The following PPFIA2 variants were observed in gnomAD, a reference collection of about 807,000 sequenced individuals.
PPFIA2 encodes the protein liprin-alpha-2.
In PPFIA2, 46 loss-of-function variants were observed where a neutral mutation model predicts 175.5. That is an observed-to-expected ratio of 0.26 (90% CI 0.21 to 0.34). The LOEUF (loss-of-function observed/expected upper bound fraction) is 0.34. Among genes scored for constraint, PPFIA2 ranks in the 10% least tolerant of loss-of-function variants. The pLI is 1.00. For missense variants in PPFIA2, 1,179 were observed against 1,506.1 expected, an observed-to-expected ratio of 0.78 and a Z score of 3.60; for synonymous variants, 568 against 511.4, an observed-to-expected ratio of 1.11 and a Z score of -1.49.
chr12:81,392,304 C>T (rs1476699945), intron 8 of PPFIA2, among the ~76,000 whole-genome samples: 2 of 151,766 alleles, frequency 1.3e-5, no homozygotes, highest in Non-Finnish European at 2.9e-5. Context: ...GTAGGAGAAG[C>T]AGATTTGTGG....
intron 3 of PPFIA2, among the ~76,000 whole-genome samples, chr12:81,726,797 A>C (rs1045478336): frequency 6.6e-6 from 1 of 151,278 alleles, no homozygotes; most frequent in Non-Finnish European, 1.5e-5. Flanking sequence ...AGCTTTCCAC[A>C]CCATTGCCTT....
At chr12:81,580,058 A>G (rs2074168617) in intron 4 of PPFIA2, among the ~76,000 whole-genome samples, 1 of 151,882 alleles carries the variant, frequency 6.6e-6, no homozygotes, top group Non-Finnish European at 1.5e-5. Flanking sequence ...GGCAATTTCT[A>G]GAGAGAATTT....
At chr12:81,389,911 C>A (rs529491115) in intron 8 of PPFIA2, among the ~76,000 whole-genome samples, 2 of 151,952 alleles carry the variant, frequency 1.3e-5, no homozygotes, top group African/African-American at 4.8e-5. Flanking sequence ...CATTTTTTCA[C>A]CCTTAGTGGA....
At chr12:81,442,702 T>G (rs2050389940) in intron 6 of PPFIA2, among the ~76,000 whole-genome samples, 1 of 150,262 alleles carries the variant, frequency 6.7e-6, no homozygotes, top group Non-Finnish European at 1.5e-5. Context: ...ACATTAATGA[T>G]GAAAATTATG....
intron 21 of PPFIA2, among the ~76,000 whole-genome samples, chr12:81,331,245 T>C (rs1221257408): frequency 6.6e-6 from 1 of 152,240 alleles, no homozygotes; most frequent in East Asian, 1.9e-4. Flanking sequence ...TGTGTTACGA[T>C]TGCCTACAGT....
chr12:81,656,457 C>T (rs1017382156), intron 4 of PPFIA2, among the ~76,000 whole-genome samples: 2 of 151,984 alleles, frequency 1.3e-5, no homozygotes, highest in Non-Finnish European at 1.5e-5. Context: ...CTTCGCCATG[C>T]ACAATATGTC....
intron 7 of PPFIA2, among the ~76,000 whole-genome samples, chr12:81,433,738 C>T (rs1330613527): frequency 2.0e-5 from 3 of 151,940 alleles, no homozygotes; most frequent in Admixed American, 2.0e-4. Flanking sequence ...ATTTGACAAA[C>T]ATATATTGAT....
intron 4 of PPFIA2, among the ~76,000 whole-genome samples, chr12:81,646,864 A>G (rs566259721): frequency 9.4e-4 from 142 of 151,530 alleles, no homozygotes; most frequent in African/African-American, 3.3e-3. Flanking sequence ...GGAAGGAGGG[A>G]AGGAATGAAA....
intron 4 of PPFIA2, among the ~76,000 whole-genome samples, chr12:81,633,366 A>G (rs1018984882): frequency 6.6e-6 from 1 of 152,106 alleles, no homozygotes; most frequent in African/African-American, 2.4e-5. Context: ...TGTGCTAGGT[A>G]CAGGGTTGGG....
At chr12:81,476,879 T>C (rs1203255791) in intron 4 of PPFIA2, among the ~76,000 whole-genome samples, 1 of 152,070 alleles carries the variant, frequency 6.6e-6, no homozygotes, top group Non-Finnish European at 1.5e-5. Flanking sequence ...TATGCATCCA[T>C]AAAAAGGAAC....
At chr12:81,312,403 T>A in intron 22 of PPFIA2, 1 of 532,390 alleles carries the variant, frequency 1.9e-6, no homozygotes, top group Non-Finnish European at 3.3e-6. Flanking sequence ...AATAAGTCTA[T>A]GTCTTGAGTA....
At chr12:81,283,500 A>T (rs2042563687) in intron 25 of PPFIA2, among the ~76,000 whole-genome samples, 1 of 152,200 alleles carries the variant, frequency 6.6e-6, no homozygotes, top group Middle Eastern at 3.4e-3. Context: ...ACAAAACAAA[A>T]CAAGACAAAA....
At chr12:81,412,883 G>C (rs956454370) in intron 7 of PPFIA2, among the ~76,000 whole-genome samples, 1 of 151,756 alleles carries the variant, frequency 6.6e-6, no homozygotes, top group African/African-American at 2.4e-5. Flanking sequence ...TATTCATATT[G>C]CGTGCTCTAG....
chr12:81,570,976 T>C (rs1229530012), intron 4 of PPFIA2, among the ~76,000 whole-genome samples: 2 of 152,098 alleles, frequency 1.3e-5, no homozygotes, highest in South Asian at 2.1e-4. Context: ...TCATATTTAA[T>C]TGCATCCCCT....
chr12:81,478,695 AG>A (rs1248722345), intron 4 of PPFIA2, among the ~76,000 whole-genome samples: 4 of 152,282 alleles, frequency 2.6e-5, no homozygotes, highest in African/African-American at 9.6e-5. Context: ...ATTCAGGAGC[AG>A]GTTATCCAGT....
intron 29 of PPFIA2, 28 bp from the exon 30 acceptor site, chr12:81,267,048 C>T (rs2037464543): frequency 6.8e-7 from 1 of 1,474,858 alleles, no homozygotes; most frequent in South Asian, 1.1e-5. Flanking sequence ...CAGTTACCAT[C>T]ACCGAAATCA....
At chr12:81,407,995 C>T (rs1218862234) in intron 7 of PPFIA2, among the ~76,000 whole-genome samples, 1 of 152,180 alleles carries the variant, frequency 6.6e-6, no homozygotes, top group South Asian at 2.1e-4. Flanking sequence ...TGAAGTAGCA[C>T]ATCAAATTAT....
rs376047167 is a variant in PPFIA2, at chr12:81,329,868, G to C, written c.2549-3998C>G. 2.0e-4 allele frequency among the ~76,000 whole-genome samples: 31 copies of C among 152,340 alleles called. No individual in the cohort carries two copies. The South Asian group carries it at 3.5e-3, about 17-fold the overall frequency. ...GATGCTTCCAGTGATTAGACCCCGG[G>C]TCCGGGTCTCAGCTGGGGGTGCCTT... On this transcript the variant is annotated intron_variant, in intron 21 of 32. Transcript: ENST00000549396.
chr12:81,479,023 G>C (rs558154329), intron 4 of PPFIA2, among the ~76,000 whole-genome samples: 1 of 152,066 alleles, frequency 6.6e-6, no homozygotes, highest in Admixed American at 6.5e-5. Flanking sequence ...GGGGTGTTAA[G>C]GTCTCCCACT....
Sources: gnomAD v4.1 joint callset for allele counts (sites outside exome capture counted in the v4.1 genomes callset) on GRCh38, gnomAD v4.1.1 for gene constraint, MANE v1.5 for transcripts, NCBI Gene and HGNC (gene_info 2026-07-23, HGNC 2026-07-21) for gene names.